The following CADM2 variants were observed in gnomAD, a reference collection of about 807,000 sequenced individuals.
CADM2 encodes the protein cell adhesion molecule 2.
Under a neutral mutation model 49.8 loss-of-function variants are expected in CADM2, and 12 were observed. The observed-to-expected ratio is 0.24, with a 90% CI of 0.15 to 0.39. The LOEUF (loss-of-function observed/expected upper bound fraction) is 0.39, where lower values mean the gene tolerates loss of function less well. Ranked by LOEUF, CADM2 falls within the 10% of genes least tolerant of loss-of-function variation. The probability of loss-of-function intolerance (pLI) is 1.00; values close to 1 mark genes in which losing one functional copy is unlikely to be tolerated. For synonymous variants in CADM2, 214 were observed against 175.4 expected (o/e 1.22, Z -1.74); for missense variants, 378 against 492.3 (o/e 0.77, Z 2.20).
intron 2 of CADM2, among the ~76,000 whole-genome samples, chr3:85,789,958 C>A (rs1234858920): frequency 6.6e-6 from 1 of 152,110 alleles, no homozygotes; most frequent in Non-Finnish European, 1.5e-5. Context: ...TGTTTTAAGA[C>A]ATGCTAAAGC....
Position 85,873,473 on chromosome 3 carries a change from C to T in CADM2, c.239-9818C>T, listed in dbSNP as rs376764545. On this transcript the variant is annotated intron_variant, in intron 3 of 9. Coordinates refer to ENST00000383699, the MANE Select transcript of CADM2 (RefSeq NM_001167675.2). ...TTAAGGTCAGGAATTTAAGACCAGCCTGGCCAACCTGGTGAAACTTCGTCT... is the reference window on the plus strand; with the variant it reads ...TTAAGGTCAGGAATTTAAGACCAGCTTGGCCAACCTGGTGAAACTTCGTCT... 4.6e-5 allele frequency among the ~76,000 whole-genome samples: 7 copies of T among 152,056 alleles called. No individual in the cohort carries two copies. In the East Asian group the frequency reaches 9.7e-4, roughly 21 times the overall value.
chr3:85,706,553 G>T (rs2066957766), intron 1 of CADM2, among the ~76,000 whole-genome samples: 1 of 151,978 alleles, frequency 6.6e-6, no homozygotes, highest in South Asian at 2.1e-4. Flanking sequence ...TATCAGAATT[G>T]TCCTAATTTC....
intron 1 of CADM2, among the ~76,000 whole-genome samples, chr3:85,028,706 GT>G (rs964371604): frequency 6.6e-6 from 1 of 151,990 alleles, no homozygotes; most frequent in Non-Finnish European, 1.5e-5. Flanking sequence ...ACTCAGTTAT[GT>G]AAGAACTAAG....
At chr3:85,910,868 C>T (rs924969104) in intron 5 of CADM2, among the ~76,000 whole-genome samples, 1 of 151,884 alleles carries the variant, frequency 6.6e-6, no homozygotes, top group African/African-American at 2.4e-5. Context: ...TAAAATCAAT[C>T]AATATGATAA....
chr3:86,014,246 C>G (rs1731923702), intron 8 of CADM2: 1 of 1,305,802 alleles, frequency 7.7e-7, no homozygotes, highest in Non-Finnish European at 1.0e-6. Context: ...CATTTATACT[C>G]TGCAGTGCAG....
intron 1 of CADM2, among the ~76,000 whole-genome samples, chr3:85,446,762 C>A (rs755605751): frequency 3.3e-5 from 5 of 149,744 alleles, no homozygotes; most frequent in Non-Finnish European, 5.9e-5. Flanking sequence ...GCCACCACAC[C>A]GAGCTAATTT....
At chr3:85,770,111 T>A (rs185334295) in intron 2 of CADM2, among the ~76,000 whole-genome samples, 3 of 152,224 alleles carry the variant, frequency 2.0e-5, no homozygotes, top group Admixed American at 6.5e-5. Flanking sequence ...AACTGTGCTA[T>A]GGTGGCAGTT....
chr3:85,731,900 AT>A (rs551430716), intron 2 of CADM2, among the ~76,000 whole-genome samples: 1 of 151,540 alleles, frequency 6.6e-6, no homozygotes. Flanking sequence ...GCCATAATAT[AT>A]TTTTTTTGAA....
chr3:85,130,364 A>G (rs1467144682), intron 1 of CADM2, among the ~76,000 whole-genome samples: 1 of 151,696 alleles, frequency 6.6e-6, no homozygotes, highest in Non-Finnish European at 1.5e-5. Context: ...ACAATTGTTG[A>G]AAAAAAAATC....
chr3:85,491,440 C>T (rs894488805), intron 1 of CADM2, among the ~76,000 whole-genome samples: 4 of 152,022 alleles, frequency 2.6e-5, no homozygotes, highest in African/African-American at 9.7e-5. Context: ...TCCTTCATTT[C>T]GTTTTTGCCA....
chr3:85,597,147 G>A (rs1166134135), intron 1 of CADM2, among the ~76,000 whole-genome samples: 1 of 152,000 alleles, frequency 6.6e-6, no homozygotes, highest in Non-Finnish European at 1.5e-5. Context: ...TTATGGAGAG[G>A]GGAGAAAAGA....
intron 1 of CADM2, among the ~76,000 whole-genome samples, chr3:85,591,478 A>G (rs1381109668): frequency 2.0e-5 from 3 of 151,986 alleles, no homozygotes; most frequent in Non-Finnish European, 4.4e-5. Flanking sequence ...TATGGTGACT[A>G]GGATTTTGTT....
At chr3:85,056,154 T>G (rs2036071356) in intron 1 of CADM2, among the ~76,000 whole-genome samples, 1 of 152,090 alleles carries the variant, frequency 6.6e-6, no homozygotes, top group South Asian at 2.1e-4. Context: ...TCTAGCACTT[T>G]CTCTTCTTAG....
chr3:85,344,993 A>G (rs2030427780), intron 1 of CADM2, among the ~76,000 whole-genome samples: 1 of 152,128 alleles, frequency 6.6e-6, no homozygotes, highest in East Asian at 1.9e-4. Context: ...TACATATGGT[A>G]GCTCATATAT....
At chr3:85,087,390 G>T (rs1425261561) in intron 1 of CADM2, among the ~76,000 whole-genome samples, 3 of 152,058 alleles carry the variant, frequency 2.0e-5, no homozygotes, top group Non-Finnish European at 4.4e-5. Context: ...AAGTTATTCT[G>T]CTCATGTGTT....
intron 1 of CADM2, among the ~76,000 whole-genome samples, chr3:85,344,929 G>A (rs1386479021): frequency 3.3e-5 from 5 of 152,026 alleles, no homozygotes; most frequent in Non-Finnish European, 2.9e-5. Flanking sequence ...TTCTTTTTAA[G>A]TTCACCTCTT....
chr3:85,392,064 C>T (rs1444313097), intron 1 of CADM2, among the ~76,000 whole-genome samples: 2 of 152,032 alleles, frequency 1.3e-5, no homozygotes, highest in African/African-American at 2.4e-5. Flanking sequence ...AGGAAAAATT[C>T]TCTTGGTAGA....
chr3:85,220,029 G>T (rs1039457717), intron 1 of CADM2, among the ~76,000 whole-genome samples: 10 of 152,074 alleles, frequency 6.6e-5, no homozygotes, highest in African/African-American at 2.4e-4. Flanking sequence ...TTGTGTATTT[G>T]TTTAATTAGT....
At chr3:85,936,029 G>A (rs1263719840) in intron 7 of CADM2, among the ~76,000 whole-genome samples, 172 bp downstream of exon 7, 1 of 151,408 alleles carries the variant, frequency 6.6e-6, no homozygotes, top group Non-Finnish European at 1.5e-5. Context: ...TGGAAGATTG[G>A]TTTTTACTTT....
Sources: gnomAD v4.1 joint callset for allele counts (sites outside exome capture counted in the v4.1 genomes callset) on GRCh38, gnomAD v4.1.1 for gene constraint, MANE v1.5 for transcripts, NCBI Gene and HGNC (gene_info 2026-07-23, HGNC 2026-07-21) for gene names.